Variants in ZDHHC15 observed in about 807,000 individuals in gnomAD.
The protein encoded by ZDHHC15 is zDHHC palmitoyltransferase 15, also known as palmitoyltransferase ZDHHC15.
A neutral mutation model predicts 31.7 loss-of-function variants in ZDHHC15; 19 were observed. That is an observed-to-expected ratio of 0.60 (90% CI 0.42 to 0.88). ZDHHC15 has a LOEUF of 0.88. Ranked by LOEUF, ZDHHC15 falls within the 40% of genes least tolerant of loss-of-function variation. The pLI is 0.00. For synonymous variants in ZDHHC15, 103 were observed against 90.0 expected (o/e 1.14, Z -0.82); for missense variants, 209 against 251.2 (o/e 0.83, Z 1.14).
chrX:75,438,875 T>C (rs2083900013), intron 4 of ZDHHC15, among the ~76,000 whole-genome samples: 2 of 112,298 alleles, frequency 1.8e-5, no homozygotes, highest in African/African-American at 6.5e-5. Context: ...CTCAGCATTT[T>C]TTTGTCTAAA....
chrX:75,468,017 G>A (rs758195203), intron 3 of ZDHHC15, among the ~76,000 whole-genome samples: 93 of 105,433 alleles, frequency 8.8e-4, no homozygotes, highest in African/African-American at 2.9e-3. Flanking sequence ...GGCCTTCAGT[G>A]TCTGGTGTCT....
At chrX:75,488,283 A>C (rs2084810453) in intron 2 of ZDHHC15, among the ~76,000 whole-genome samples, 1 of 111,968 alleles carries the variant, frequency 8.9e-6, no homozygotes, top group Non-Finnish European at 1.9e-5. Flanking sequence ...GCACCAGGTA[A>C]ACTATAAAGA....
intron 4 of ZDHHC15, among the ~76,000 whole-genome samples, chrX:75,448,832 G>A (rs917335792): frequency 9.0e-6 from 1 of 110,785 alleles, no homozygotes; most frequent in African/African-American, 3.3e-5. Context: ...ATTTGGTTAA[G>A]TATTATTTCT....
At chrX:75,485,089 G>C (rs1036336069) in intron 2 of ZDHHC15, among the ~76,000 whole-genome samples, 1 of 111,298 alleles carries the variant, frequency 9.0e-6, no homozygotes, top group African/African-American at 3.3e-5. Context: ...GGGGTAAAGG[G>C]AATCATTTGG....
At chrX:75,488,958 G>C (rs757633665) in intron 2 of ZDHHC15, among the ~76,000 whole-genome samples, 1 of 111,836 alleles carries the variant, frequency 8.9e-6, no homozygotes, top group Non-Finnish European at 1.9e-5. Context: ...TATATCCCAC[G>C]CCTGGTTCGG....
intron 1 of ZDHHC15, among the ~76,000 whole-genome samples, chrX:75,511,886 CAATAA>C (rs1170442397): frequency 1.6e-4 from 6 of 37,686 alleles, no homozygotes; most frequent in African/African-American, 5.3e-4. Flanking sequence ...CAAAAATCCT[CAATAA>C]AATACTGGCA....
chrX:75,454,391 C>T, intron 3 of ZDHHC15, among the ~76,000 whole-genome samples: 1 of 111,998 alleles, frequency 8.9e-6, no homozygotes, highest in Middle Eastern at 4.6e-3. Context: ...CTGCAATAAA[C>T]ATACATTTGC....
intron 11 of ZDHHC15, among the ~76,000 whole-genome samples, chrX:75,377,028 T>C (rs2083067404): frequency 9.0e-6 from 1 of 111,604 alleles, no homozygotes; most frequent in African/African-American, 3.2e-5. Context: ...TACTTGGACA[T>C]ATATAATGTA....
intron 1 of ZDHHC15, among the ~76,000 whole-genome samples, chrX:75,506,202 A>G (rs2085159919): frequency 9.0e-6 from 1 of 111,257 alleles, no homozygotes; most frequent in Admixed American, 9.6e-5. Context: ...TCTTTTTTTT[A>G]TTATTATTAT....
At chrX:75,482,863 T>C (rs1314955597) in intron 2 of ZDHHC15, among the ~76,000 whole-genome samples, 3 of 109,868 alleles carry the variant, frequency 2.7e-5, no homozygotes, top group Admixed American at 9.8e-5. Flanking sequence ...CAAAATCCAA[T>C]GGATTTGGAA....
chrX:75,390,062 C>G (rs1406229241), intron 10 of ZDHHC15, among the ~76,000 whole-genome samples: 4 of 111,364 alleles, frequency 3.6e-5, no homozygotes, highest in Non-Finnish European at 7.6e-5. Flanking sequence ...GTGAACATTG[C>G]CAGTAGCCAG....
chrX:75,442,985 CAAAA>C (rs1321633891), intron 4 of ZDHHC15, among the ~76,000 whole-genome samples: 1 of 43,894 alleles, frequency 2.3e-5, no homozygotes, highest in Non-Finnish European at 4.6e-5. Context: ...GACTCCGTCT[CAAAA>C]AAAAAAAAAA....
At chrX:75,374,311 C>T (rs1284874070) in intron 11 of ZDHHC15, among the ~76,000 whole-genome samples, 2 of 109,578 alleles carry the variant, frequency 1.8e-5, no homozygotes, top group Admixed American at 9.9e-5. Flanking sequence ...GTGCAGCAAA[C>T]CACCATGGCA....
chrX:75,387,451 C>T (rs2083191877), intron 10 of ZDHHC15, among the ~76,000 whole-genome samples: 1 of 110,968 alleles, frequency 9.0e-6, no homozygotes, highest in Non-Finnish European at 1.9e-5. Flanking sequence ...AGAAATTTAT[C>T]AGAAATAGTT....
At chrX:75,419,543 A>G (rs1417312055) in intron 9 of ZDHHC15, among the ~76,000 whole-genome samples, 1 of 111,056 alleles carries the variant, frequency 9.0e-6, no homozygotes, top group Non-Finnish European at 1.9e-5. Flanking sequence ...CAGTGTGGCA[A>G]TTCCTCAGGG....
chrX:75,383,780 C>T (rs1308765734), intron 10 of ZDHHC15, among the ~76,000 whole-genome samples: 6 of 95,248 alleles, frequency 6.3e-5, no homozygotes, highest in Non-Finnish European at 1.3e-4. Context: ...ACTCTGTCAC[C>T]CAGGCTGGAG....
intron 3 of ZDHHC15, among the ~76,000 whole-genome samples, chrX:75,462,535 C>G (rs1450959032): frequency 8.9e-6 from 1 of 112,206 alleles, no homozygotes; most frequent in African/African-American, 3.2e-5. Flanking sequence ...GTAAAACACT[C>G]CTCAGCAAAT....
chrX:75,509,761 G>A (rs901191680), intron 1 of ZDHHC15, among the ~76,000 whole-genome samples: 8 of 111,966 alleles, frequency 7.1e-5, no homozygotes, highest in Admixed American at 1.9e-4. Context: ...TAAAGCACTT[G>A]GGTGCTTTGC....
intron 1 of ZDHHC15, among the ~76,000 whole-genome samples, chrX:75,506,916 A>C (rs2148050187): frequency 8.9e-6 from 1 of 111,836 alleles, no homozygotes; most frequent in Admixed American, 9.5e-5. Context: ...GCTAAACAAG[A>C]AGTGGAGGTG....
Sources: allele counts gnomAD v4.1 joint callset (sites outside exome capture counted in the v4.1 genomes callset), GRCh38; gene constraint gnomAD v4.1.1; transcripts MANE v1.5; gene names NCBI Gene and HGNC (gene_info 2026-07-23, HGNC 2026-07-21).